Variants in FAT1 observed in about 807,000 individuals in gnomAD.
FAT1 encodes the protein protocadherin Fat 1.
Under a neutral mutation model 329.8 loss-of-function variants are expected in FAT1, and 171 were observed. The ratio of observed to expected loss-of-function variants is 0.52; its 90% confidence interval spans 0.46 to 0.59. FAT1 has a LOEUF of 0.59. Ranked by LOEUF, FAT1 falls within the 20% of genes least tolerant of loss-of-function variation. The pLI is 0.00. For synonymous variants in FAT1, 2,233 were observed against 2,228.6 expected (o/e 1.00, Z -0.06); for missense variants, 5,672 against 5,774.4 (o/e 0.98, Z 0.57).
At chr4:186,612,302 T>A (rs1254295792) in intron 13 of FAT1, among the ~76,000 whole-genome samples, 1 of 152,130 alleles carries the variant, frequency 6.6e-6, no homozygotes, top group Admixed American at 6.5e-5. Context: ...AATAATACAG[T>A]ACCTAACAAA....
chr4:186,726,189 T>C (rs1745713155), upstream of FAT1, among the ~76,000 whole-genome samples: 1 of 152,260 alleles, frequency 6.6e-6, no homozygotes, highest in Middle Eastern at 3.2e-3. Flanking sequence ...GAATCTTTCA[T>C]CGCCGATCCG....
intron 11 of FAT1, among the ~76,000 whole-genome samples, chr4:186,616,169 T>C (rs1210081111): frequency 1.3e-5 from 2 of 152,152 alleles, no homozygotes; most frequent in South Asian, 2.1e-4. Context: ...ATGGGCACGA[T>C]GCTTCCAAAC....
chr4:186,713,939 G>A (rs575567150), intron 1 of FAT1, among the ~76,000 whole-genome samples: 6 of 152,254 alleles, frequency 3.9e-5, no homozygotes, highest in East Asian at 1.9e-4. Context: ...TGCCCAACTC[G>A]GCCTCCCGAA....
At chr4:186,706,085 G>A (rs1471287585) in intron 2 of FAT1, among the ~76,000 whole-genome samples, 12 of 152,170 alleles carry the variant, frequency 7.9e-5, no homozygotes, top group Admixed American at 7.9e-4. Flanking sequence ...CCACATTAGA[G>A]AAGTTTTGGC....
Position 186,606,298 on chromosome 4 carries a change from C to T in FAT1, c.10207-85G>A, listed in dbSNP as rs970610239. On this transcript the variant is annotated intron_variant, in intron 16 of 26. Transcript: ENST00000441802. ...AGGAGTGTCCTCCTGAGAGTCCTGA[C>T]GGGCAGGTCCCAGTGAGCTACCACT... 36 of 1,449,438 alleles carry T rather than the reference C, an allele frequency of 2.5e-5. 1 individual carries two copies. Among genetic ancestry groups the T allele is most frequent in the South Asian group, 2.1e-4 (15 of 73,134 alleles). The allele number at this position is 1,449,438 out of a possible 1,614,324, so 89.8% of individuals were successfully genotyped here. A position where few individuals can be genotyped will look rare whatever the true frequency, so the allele number is the denominator to read the frequency against.
chr4:186,661,253 T>C (rs544097284), intron 3 of FAT1, among the ~76,000 whole-genome samples: 3 of 152,294 alleles, frequency 2.0e-5, no homozygotes, highest in Admixed American at 2.0e-4. Context: ...CCGGGCCACC[T>C]GCCACTCTCC....
chr4:186,634,428 A>G (rs977025762), intron 6 of FAT1, among the ~76,000 whole-genome samples: 2 of 152,210 alleles, frequency 1.3e-5, no homozygotes, highest in Non-Finnish European at 2.9e-5. Flanking sequence ...CCATCGACCT[A>G]GATATAAAAT....
At chr4:186,713,242 G>T (rs954302620) in intron 1 of FAT1, among the ~76,000 whole-genome samples, 1 of 152,126 alleles carries the variant, frequency 6.6e-6, no homozygotes, top group Admixed American at 6.5e-5. Flanking sequence ...GGCTCCTCTG[G>T]AATGTACGTT....
intron 6 of FAT1, among the ~76,000 whole-genome samples, chr4:186,634,196 T>C (rs944315034): frequency 5.3e-5 from 8 of 152,180 alleles, no homozygotes; most frequent in African/African-American, 1.9e-4. Flanking sequence ...CTAACAAAAC[T>C]TTCTGATACT....
rs758533508 is a variant in FAT1, at chr4:186,621,731, T to C, written c.4855A>G (p.Ile1619Val). Residue 1619 changes from isoleucine (I) to valine (V), a missense_variant, in exon 10 of 27, where the codon ATT (isoleucine) becomes GTT (valine). Around this residue, in one of 2 missense-constraint regions of FAT1, gnomAD observed 3,966 missense variants for 3,915.2 expected, o/e 1.01. Transcript: ENST00000441802. Reference sequence around the variant, plus strand: ...CGATCTAATTCTTTGGCAGTTTTAATAGAGCCCAAGACAGGATCAATCATA... The same window carrying C: ...CGATCTAATTCTTTGGCAGTTTTAACAGAGCCCAAGACAGGATCAATCATA... ...SFMIDPVLGS[I>V]KTAKELDRSN... The C allele has an allele frequency of 3.1e-6, 5 of 1,611,340 alleles. No homozygotes were observed. Among genetic ancestry groups the C allele is most frequent in the South Asian group, 1.1e-5 (1 of 90,482 alleles).
intron 1 of FAT1, among the ~76,000 whole-genome samples, chr4:186,712,972 T>C (rs1745037848): frequency 8.5e-6 from 1 of 118,020 alleles, no homozygotes; most frequent in Admixed American, 8.0e-5. Context: ...AGAGAACCTA[T>C]CATGAAGGGG....
rs1028397303 is a variant in FAT1, at chr4:186,619,614, C to A, written c.6972G>T (p.Gly2324=). Residue 2324 remains glycine (G), a synonymous_variant, in exon 10 of 27, where the codon GGG becomes GGT. Coordinates refer to ENST00000441802, the MANE Select transcript of FAT1 (RefSeq NM_005245.4). ...AATGATCATGACTCTTGCTGTGATT[C>A]CCAAACATCTGGTATGAGATTCCTC... is the stretch of plus-strand genomic sequence containing the variant. ...PNRGISYQMF[G]NHSKSHDHFH... 8.1e-6 allele frequency: 13 copies of A among 1,613,804 alleles called. No individual in the cohort carries two copies. Among genetic ancestry groups the A allele is most frequent in the Non-Finnish European group, 1.1e-5 (13 of 1,179,894 alleles).
rs751804954 is a variant in FAT1, at chr4:186,620,953, A to T, written c.5633T>A (p.Val1878Glu). Residue 1878 changes from valine to glutamate, a missense_variant, in exon 10 of 27, where the codon GTG becomes GAG. Val to Glu is a moderately radical substitution (Grantham distance 121, BLOSUM62 -2). Around this residue, in one of 2 missense-constraint regions of FAT1, gnomAD observed 3,966 missense variants for 3,915.2 expected, o/e 1.01. Coordinates refer to ENST00000441802, the MANE Select transcript of FAT1 (RefSeq NM_005245.4). ...HVIDINDCPPVFAKPLYEASL... is the reference protein window; with the variant it reads ...HVIDINDCPPEFAKPLYEASL... ...TGCTTCATATAATGGCTTGGCAAAC[A>T]CAGGGGGGCAGTCATTAATGTCAAT... The T allele has an allele frequency of 6.2e-7, 1 of 1,613,898 alleles. No homozygotes were observed. Among genetic ancestry groups the T allele is most frequent in the Non-Finnish European group, 8.5e-7 (1 of 1,179,898 alleles).
In FAT1 at chr4:186,596,213, G is replaced by C. The variant is rs544607039; in HGVS notation, c.13000+327C>G. ...CCAGGTCATATTTTTAAAAATCCTA[G>C]CATGAAAATGCTCCCGATTATTTTT... On this transcript the variant is annotated intron_variant, in intron 25 of 26. Coordinates refer to ENST00000441802, the MANE Select transcript of FAT1 (RefSeq NM_005245.4). The surrounding 1 kb of genome is among the most constrained non-coding windows in gnomAD (Gnocchi z 4.7). Among the ~76,000 whole-genome samples the C allele has an allele frequency of 1.5e-3, 235 of 152,128 alleles. 1 individual carries two copies. Among genetic ancestry groups the C allele is most frequent in the African/African-American group, 5.4e-3 (225 of 41,508 alleles).
chr4:186,721,487 G>C (rs900223463), intron 1 of FAT1, among the ~76,000 whole-genome samples: 1 of 152,206 alleles, frequency 6.6e-6, no homozygotes, highest in Non-Finnish European at 1.5e-5. Flanking sequence ...TTGGTCAAAA[G>C]AACAATTATC....
In FAT1 at chr4:186,618,045, G is replaced by C. The variant is rs772702328; in HGVS notation, c.8541C>G (p.Ser2847Arg). The C allele has an allele frequency of 1.2e-6, 2 of 1,613,870 alleles. No individual in the cohort carries two copies. Among genetic ancestry groups the C allele is most frequent in the African/African-American group, 2.7e-5 (2 of 74,920 alleles). ...CTTCCACACTTTGTGACTGATCCAGGCTATACATAACTTGGCCGTTGGTTC... is the reference window on the plus strand; with the variant it reads ...CTTCCACACTTTGTGACTGATCCAGCCTATACATAACTTGGCCGTTGGTTC... ...DSGTNGQVMYSLDQSQSVEVI... is the reference protein window; with the variant it reads ...DSGTNGQVMYRLDQSQSVEVI... Residue 2847 changes from serine (S) to arginine (R), a missense_variant, in exon 10 of 27, where the codon AGC becomes AGG. This residue lies in a region of FAT1 where 3,966 missense variants were observed against 3,915.2 expected (regional missense o/e 1.01). Coordinates refer to ENST00000441802, the MANE Select transcript of FAT1 (RefSeq NM_005245.4).
rs1351486259 is a variant in FAT1, at chr4:186,626,013, A to AGAAT, written c.4810+2137_4810+2140dup. ...CATAAAGTGAGCTTCATCAGCCTAC[A>AGAAT]GAATGAATGAATGAATGAATGAGGG... On this transcript the variant is annotated intron_variant, in intron 9 of 26. Coordinates refer to ENST00000441802, the MANE Select transcript of FAT1 (RefSeq NM_005245.4). 1.9e-4 allele frequency among the ~76,000 whole-genome samples: 28 copies of AGAAT among 147,664 alleles called. 1 individual carries two copies. Among genetic ancestry groups the AGAAT allele is most frequent in the African/African-American group, 6.3e-4 (25 of 39,754 alleles).
In FAT1 at chr4:186,708,707, G is replaced by C. The variant is rs2126698462; in HGVS notation, c.1121C>G (p.Ala374Gly). Residue 374 changes from alanine (A) to glycine (G), a missense_variant, in exon 2 of 27, where the codon GCA becomes GGA. By Grantham distance (60) the Ala-to-Gly change is moderately conservative. This residue lies in a region of FAT1 where 3,966 missense variants were observed against 3,915.2 expected (regional missense o/e 1.01). Coordinates refer to ENST00000441802, the MANE Select transcript of FAT1 (RefSeq NM_005245.4). ...PVKFEKDVYR[A>G]EISEFAPPNT... The stretch of plus-strand genomic sequence containing the variant: ...GGGAGGAGCAAATTCACTTATTTCT[G>C]CTCTGTAAACATCCTTTTCAAACTT... 1 of 1,613,838 alleles carries C rather than the reference G, an allele frequency of 6.2e-7. No individual in the cohort carries two copies. The highest frequency in any genetic ancestry group is 8.5e-7 in the Non-Finnish European group (1 of 1,179,886).
chr4:186,665,913 G>A (rs146556764), intron 2 of FAT1, among the ~76,000 whole-genome samples: 2,269 of 151,708 alleles, frequency 0.015, 52 homozygotes, highest in African/African-American at 0.052. Flanking sequence ...GGAAACCATC[G>A]TTCTCAGCAA....
Sources: allele counts gnomAD v4.1 joint callset (sites outside exome capture counted in the v4.1 genomes callset), GRCh38; gene constraint gnomAD v4.1.1; regional missense constraint gnomAD v4.1.1; non-coding constraint Gnocchi (gnomAD v3.1); transcripts MANE v1.5; gene names NCBI Gene and HGNC (gene_info 2026-07-23, HGNC 2026-07-21).